The following BTAF1 variants were observed in gnomAD, a reference collection of about 807,000 sequenced individuals.
BTAF1 encodes B-TFIID TATA-box binding protein associated factor 1.
BTAF1 carries 38 observed loss-of-function variants against 227.1 expected under a neutral mutation model. The observed-to-expected ratio is 0.17, with a 90% CI of 0.13 to 0.22. BTAF1 has a LOEUF of 0.22. BTAF1 is among the 10% of genes least tolerant of loss of function. The probability of loss-of-function intolerance (pLI) is 1.00; values close to 1 mark genes in which losing one functional copy is unlikely to be tolerated. For missense variants in BTAF1, 1,598 were observed against 2,204.0 expected, an observed-to-expected ratio of 0.73 and a Z score of 5.51; for synonymous variants, 742 against 751.9, an observed-to-expected ratio of 0.99 and a Z score of 0.21.
rs1359353841 is a variant in BTAF1, at chr10:91,928,824, T to TTGTC, written c.14+4737_14+4738insCTGT. Among the ~76,000 whole-genome samples the TTGTC allele has an allele frequency of 3.5e-5, 5 of 142,908 alleles. No homozygotes were observed. The East Asian group carries it at 1.1e-3, about 32-fold the overall frequency. The allele number at this position is 142,908 out of a possible 152,430, so 93.8% of individuals were successfully genotyped here. ...TGGATTTCTTTGGCATTTTTGTTGT[T>TTGTC]TGTTTGTTTGTTTGTTTTTGGAGGC... On this transcript the variant is annotated intron_variant, in intron 1 of 37. Coordinates refer to ENST00000265990, the MANE Select transcript of BTAF1 (RefSeq NM_003972.3).
chr10:91,957,117 A>C, intron 7 of BTAF1, 108 bp from the exon 8 acceptor site: 1 of 734,676 alleles, frequency 1.4e-6, no homozygotes, highest in South Asian at 2.6e-5. Context: ...AATTTTTAAA[A>C]GCCTGATTGC....
At chr10:92,000,279 G>A (rs117967492) in intron 25 of BTAF1, among the ~76,000 whole-genome samples, 13 of 152,264 alleles carry the variant, frequency 8.5e-5, no homozygotes, top group Non-Finnish European at 1.9e-4. Context: ...GTTGTACTTA[G>A]TCTCCTTGGC....
chr10:91,937,791 A>C (rs1010915815), intron 2 of BTAF1, among the ~76,000 whole-genome samples: 2 of 152,166 alleles, frequency 1.3e-5, no homozygotes, highest in African/African-American at 4.8e-5. Context: ...CATTCTCCAG[A>C]GTATATATAT....
intron 34 of BTAF1, among the ~76,000 whole-genome samples, chr10:92,024,407 G>A (rs758009346): frequency 6.6e-5 from 10 of 152,118 alleles, no homozygotes; most frequent in Non-Finnish European, 5.9e-5. Context: ...CTTCTGGGCC[G>A]GGTGTGGTGG....
At chr10:91,992,648 CCTGA>C (rs372850237) in intron 21 of BTAF1, among the ~76,000 whole-genome samples, 149 of 152,246 alleles carry the variant, frequency 9.8e-4, no homozygotes, top group African/African-American at 3.4e-3. Context: ...TTGCAACCCA[CCTGA>C]CTTTTTTAGT....
intron 6 of BTAF1, among the ~76,000 whole-genome samples, chr10:91,954,917 C>T (rs985919332): frequency 6.6e-5 from 10 of 152,056 alleles, no homozygotes; most frequent in African/African-American, 2.2e-4. Flanking sequence ...TAGTGGTGCT[C>T]AGGAAATGTT....
In BTAF1 at chr10:91,923,955, C is replaced by T. The variant is rs1000199282; in HGVS notation, c.-122C>T. The T allele has an allele frequency of 1.5e-6, 2 of 1,293,184 alleles. No homozygotes were observed. Among genetic ancestry groups the T allele is most frequent in the Non-Finnish European group, 2.0e-6 (2 of 983,752 alleles). 80.1% of individuals were successfully genotyped at this position (1,293,184 alleles called of 1,614,324 possible). On this transcript the variant is annotated 5_prime_UTR_variant, in exon 1 of 38. Transcript: ENST00000265990. ...AGGGCCTGCGCTGGAACGCCCCACGCCGCACCGGCCGCTCCCCTGTGCTCC... is the reference window on the plus strand; with the variant it reads ...AGGGCCTGCGCTGGAACGCCCCACGTCGCACCGGCCGCTCCCCTGTGCTCC...
intron 13 of BTAF1, among the ~76,000 whole-genome samples, chr10:91,964,467 A>T (rs1253863259): frequency 1.3e-5 from 2 of 152,114 alleles, no homozygotes; most frequent in African/African-American, 4.8e-5. Flanking sequence ...TTTACTTAGA[A>T]ATATAATCAT....
chr10:91,994,641 C>T lies in BTAF1; in HGVS notation c.3306C>T (p.Pro1102=), dbSNP rs141337462. ...AAASMDSELH[P]LLVQHLPHLY... is the part of the protein sequence containing the mutation. ...CTTCAATGGATTCTGAGCTTCATCC[C>T]TTGGTAACTAACTAATGCAAGTGTA... The change falls in exon 23 of 38, where the codon CCC becomes CCT. Residue 1102 remains proline, a synonymous_variant. Coordinates refer to ENST00000265990, the MANE Select transcript of BTAF1 (RefSeq NM_003972.3). 65 of 1,607,010 alleles carry T rather than the reference C, an allele frequency of 4.0e-5. No homozygotes were observed. In the African/African-American group the frequency reaches 8.0e-4, roughly 20 times the overall value.
At chr10:91,926,179 C>T (rs1012411972) in intron 1 of BTAF1, among the ~76,000 whole-genome samples, 9 of 152,178 alleles carry the variant, frequency 5.9e-5, no homozygotes, top group African/African-American at 2.4e-5. Context: ...CCTTTCTCTC[C>T]TGTTGGTGCA....
At chr10:91,954,275 G>A (rs1191820458) in intron 6 of BTAF1, among the ~76,000 whole-genome samples, 1 of 152,058 alleles carries the variant, frequency 6.6e-6, no homozygotes, top group Non-Finnish European at 1.5e-5. Context: ...AGGACCACAA[G>A]TTAAGAATAC....
chr10:91,944,160 A>AG (rs1402310012), intron 4 of BTAF1, among the ~76,000 whole-genome samples: 1 of 151,048 alleles, frequency 6.6e-6, no homozygotes, highest in African/African-American at 2.4e-5. Flanking sequence ...CTCCAAATAA[A>AG]AAAAAAAAAG....
chr10:91,974,875 T>G (rs1303678254), intron 14 of BTAF1, among the ~76,000 whole-genome samples: 2 of 152,190 alleles, frequency 1.3e-5, no homozygotes, highest in Non-Finnish European at 2.9e-5. Flanking sequence ...ACAACTAGTT[T>G]TATTTCATAA....
intron 23 of BTAF1, among the ~76,000 whole-genome samples, chr10:91,995,274 A>G (rs1248482872): frequency 6.6e-6 from 1 of 152,166 alleles, no homozygotes; most frequent in African/African-American, 2.4e-5. Flanking sequence ...GTTATTTAAC[A>G]CAAAAGGGAG....
At chr10:91,930,968 T>C (rs771064046) in intron 1 of BTAF1, among the ~76,000 whole-genome samples, 3 of 152,212 alleles carry the variant, frequency 2.0e-5, no homozygotes, top group Non-Finnish European at 2.9e-5. Context: ...TCAGTGAGGC[T>C]TTTTGCCCCT....
At chr10:91,953,968 T>C (rs1298257952) in intron 6 of BTAF1, 95 bp downstream of exon 6, 1 of 1,495,514 alleles carries the variant, frequency 6.7e-7, no homozygotes, top group Non-Finnish European at 9.1e-7. Context: ...TGCTGACATA[T>C]TTAGCTGGGG....
In BTAF1 at chr10:92,031,152, A is replaced by G. The variant is rs1809017403; in HGVS notation, c.*2219A>G. Among the ~76,000 whole-genome samples the G allele has an allele frequency of 6.6e-6, 1 of 152,204 alleles. No individual in the cohort carries two copies. The highest frequency in any genetic ancestry group is 1.5e-5 in the Non-Finnish European group (1 of 68,034). ...TTGTGTCTTTATGATAGGAAATAGC[A>G]AACTGTTAAAAATATAGATTCAGAG... On this transcript the variant is annotated 3_prime_UTR_variant, in exon 38 of 38. Coordinates refer to ENST00000265990, the MANE Select transcript of BTAF1 (RefSeq NM_003972.3).
chr10:92,010,537 T>TA (rs1473214413), intron 28 of BTAF1, among the ~76,000 whole-genome samples: 2 of 152,200 alleles, frequency 1.3e-5, no homozygotes, highest in Non-Finnish European at 2.9e-5. Context: ...AGTTGGTAGA[T>TA]AAGATGACAA....
Position 91,997,663 on chromosome 10 carries a change from T to C in BTAF1, c.3572T>C (p.Val1191Ala). 6.2e-7 allele frequency: 1 copy of C among 1,613,838 alleles called. No homozygotes were observed. The highest frequency in any genetic ancestry group is 8.5e-7 in the Non-Finnish European group (1 of 1,179,724). Reference protein sequence around the residue: ...VPYIVLLVVPVLGRMSDQTDS... With the variant: ...VPYIVLLVVPALGRMSDQTDS... Reference sequence around the variant, plus strand: ...TATATTGTCCTTTTAGTTGTTCCTGTATTAGGAAGAATGAGTGATCAGACA... The same window carrying C: ...TATATTGTCCTTTTAGTTGTTCCTGCATTAGGAAGAATGAGTGATCAGACA... The change falls in exon 25 of 38, where the codon GTA (valine) becomes GCA (alanine). Residue 1191 changes from valine to alanine, a missense_variant. Around this residue, in one of 10 missense-constraint regions of BTAF1, gnomAD observed 425 missense variants for 491.2 expected, o/e 0.87. Coordinates refer to ENST00000265990, the MANE Select transcript of BTAF1 (RefSeq NM_003972.3).
Sources: allele counts gnomAD v4.1 joint callset (sites outside exome capture counted in the v4.1 genomes callset), GRCh38; gene constraint gnomAD v4.1.1; regional missense constraint gnomAD v4.1.1; transcripts MANE v1.5; gene names NCBI Gene and HGNC (gene_info 2026-07-23, HGNC 2026-07-21).